The following ATRNL1 variants were observed in gnomAD, a reference collection of about 807,000 sequenced individuals.
ATRNL1 encodes attractin-like protein 1.
In ATRNL1, 95 loss-of-function variants were observed where a neutral mutation model predicts 182.7. That is an observed-to-expected ratio of 0.52 (90% CI 0.44 to 0.62). ATRNL1 has a LOEUF of 0.62. Among genes scored for constraint, ATRNL1 ranks in the 20% least tolerant of loss-of-function variants. The pLI, the probability that ATRNL1 is intolerant of heterozygous loss-of-function variation, is 0.00. For missense variants in ATRNL1, 1,471 were observed against 1,679.5 expected (o/e 0.88, Z 2.17); for synonymous variants, 576 against 568.3 (o/e 1.01, Z -0.19).
intron 27 of ATRNL1, among the ~76,000 whole-genome samples, chr10:115,786,497 C>G (rs1555080453): frequency 6.6e-6 from 1 of 152,108 alleles, no homozygotes; most frequent in Non-Finnish European, 1.5e-5. Context: ...TGTATCACTC[C>G]CATCTCTGCC....
Position 115,265,275 on chromosome 10 carries a change from C to T in ATRNL1, c.1770C>T (p.Asn590=), listed in dbSNP as rs561349730. The T allele has an allele frequency of 3.3e-5, 53 of 1,591,380 alleles. No homozygotes were observed. Among genetic ancestry groups the T allele is most frequent in the South Asian group, 6.9e-5 (6 of 87,578 alleles). Residue 590 remains asparagine (N), a splice_region_variant and synonymous_variant, in exon 11 of 29, where the codon AAC becomes AAT. Transcript: ENST00000355044. The stretch of plus-strand genomic sequence containing the variant: ...TTGGACACTCTGCAGTAGTCATTAA[C>T]GGGTAAAAGAAGCACATTTCCAATT... ...NRFGHSAVVI[N]GSMYIFGGFS... is the part of the protein sequence containing the mutation.
chr10:115,880,422 G>A (rs906176812), intron 28 of ATRNL1, among the ~76,000 whole-genome samples: 7 of 152,294 alleles, frequency 4.6e-5, no homozygotes, highest in East Asian at 1.9e-4. Flanking sequence ...TCAGGAGTTC[G>A]AGACCAGCCT....
At chr10:115,546,093 T>C (rs1852638110) in intron 25 of ATRNL1, among the ~76,000 whole-genome samples, 1 of 152,176 alleles carries the variant, frequency 6.6e-6, no homozygotes, top group South Asian at 2.1e-4. Flanking sequence ...TATTACTCAA[T>C]AGATGTTAGT....
At chr10:115,453,240 A>C (rs1173295873) in intron 21 of ATRNL1, among the ~76,000 whole-genome samples, 1 of 152,074 alleles carries the variant, frequency 6.6e-6, no homozygotes, top group Non-Finnish European at 1.5e-5. Flanking sequence ...AACAGATGGT[A>C]GTTCTATTTT....
At chr10:115,184,859 G>C (rs1163725615) in intron 8 of ATRNL1, among the ~76,000 whole-genome samples, 3 of 151,940 alleles carry the variant, frequency 2.0e-5, no homozygotes, top group Admixed American at 2.0e-4. Context: ...TTTGAACACA[G>C]TATTTGACTA....
intron 10 of ATRNL1, among the ~76,000 whole-genome samples, chr10:115,258,676 C>G (rs1416082094): frequency 1.3e-5 from 2 of 152,080 alleles, no homozygotes; most frequent in African/African-American, 4.8e-5. Flanking sequence ...GAGCTGTGAT[C>G]CTTTGGAGGA....
intron 13 of ATRNL1, among the ~76,000 whole-genome samples, chr10:115,274,427 C>T (rs1852012068): frequency 6.6e-6 from 1 of 152,296 alleles, no homozygotes; most frequent in Non-Finnish European, 1.5e-5. Flanking sequence ...TAACATTCAC[C>T]TTTGAAAGGG....
chr10:115,228,766 C>CTTTT (rs35765835), intron 9 of ATRNL1, among the ~76,000 whole-genome samples: 11 of 133,766 alleles, frequency 8.2e-5, no homozygotes, highest in Non-Finnish European at 1.1e-4. Context: ...TTCTTTCTTT[C>CTTTT]TTTTTTTTTT....
chr10:115,576,038 C>T (rs1485806440), intron 26 of ATRNL1, among the ~76,000 whole-genome samples: 1 of 152,076 alleles, frequency 6.6e-6, no homozygotes, highest in Non-Finnish European at 1.5e-5. Flanking sequence ...ATAATATCCT[C>T]CTGGCTCATC....
chr10:115,517,816 T>G (rs532150300), intron 24 of ATRNL1, among the ~76,000 whole-genome samples: 1 of 151,912 alleles, frequency 6.6e-6, no homozygotes, highest in Non-Finnish European at 1.5e-5. Flanking sequence ...GTTGACAATA[T>G]TCTTTGATAA....
At chr10:115,377,736 C>T (rs1411249929) in intron 19 of ATRNL1, among the ~76,000 whole-genome samples, 15 of 152,124 alleles carry the variant, frequency 9.9e-5, no homozygotes, top group African/African-American at 3.4e-4. Context: ...GGTCCTTGGG[C>T]TGATGGAATT....
rs188984923 is a variant in ATRNL1 at position 115,666,935 on chromosome 10, A to T, written c.3796-60313A>T. Among the ~76,000 whole-genome samples the T allele has an allele frequency of 4.9e-3, 753 of 152,294 alleles. 3 individuals carry two copies. Among genetic ancestry groups the T allele is most frequent in the Admixed American group, 9.2e-3 (141 of 15,294 alleles). On this transcript the variant is annotated intron_variant, in intron 26 of 28. Transcript: ENST00000355044. ...CTAAAGATAGTCAAATAATTTTGCC[A>T]TAGGATCTAAGGGAGGGGACAGTGC...
chr10:115,310,625 G>T (rs60232127), intron 17 of ATRNL1, among the ~76,000 whole-genome samples: 1 of 152,046 alleles, frequency 6.6e-6, no homozygotes, highest in Non-Finnish European at 1.5e-5. Flanking sequence ...TGCATAGAAG[G>T]GTTCAGAGTT....
intron 13 of ATRNL1, among the ~76,000 whole-genome samples, chr10:115,276,459 G>A (rs541686871): frequency 1.3e-5 from 2 of 152,262 alleles, no homozygotes; most frequent in African/African-American, 4.8e-5. Context: ...CAATGATGAT[G>A]TGTTAACAAG....
intron 25 of ATRNL1, among the ~76,000 whole-genome samples, chr10:115,548,295 T>A (rs1247676324): frequency 6.6e-6 from 1 of 152,226 alleles, no homozygotes; most frequent in Non-Finnish European, 1.5e-5. Context: ...TTGACATTGT[T>A]GTTATCGTTG....
intron 26 of ATRNL1, among the ~76,000 whole-genome samples, chr10:115,560,616 G>A (rs1335583718): frequency 1.3e-5 from 2 of 152,110 alleles, no homozygotes; most frequent in African/African-American, 4.8e-5. Flanking sequence ...AATTCAACAT[G>A]ATACTTATCC....
At chr10:115,227,855 A>G (rs973474785) in intron 9 of ATRNL1, among the ~76,000 whole-genome samples, 4 of 152,102 alleles carry the variant, frequency 2.6e-5, no homozygotes, top group Admixed American at 1.3e-4. Flanking sequence ...AGAAAACAGT[A>G]TATTCTTCTA....
At chr10:115,395,944 A>G (rs940698895) in intron 20 of ATRNL1, among the ~76,000 whole-genome samples, 2 of 151,844 alleles carry the variant, frequency 1.3e-5, no homozygotes, top group Non-Finnish European at 2.9e-5. Context: ...AATTCCAACC[A>G]TAATAATTAC....
intron 25 of ATRNL1, among the ~76,000 whole-genome samples, chr10:115,534,070 T>C (rs1186814201): frequency 3.3e-5 from 5 of 151,790 alleles, no homozygotes; most frequent in African/African-American, 9.7e-5. Context: ...CTGAAAAAAA[T>C]GTATATTCTG....
Sources: gnomAD v4.1 joint callset for allele counts (sites outside exome capture counted in the v4.1 genomes callset) on GRCh38, gnomAD v4.1.1 for gene constraint, MANE v1.5 for transcripts, NCBI Gene and HGNC (gene_info 2026-07-23, HGNC 2026-07-21) for gene names.